TSPEAR: variants seen among roughly 807,000 people sequenced by gnomAD.
TSPEAR encodes thrombospondin-type laminin G domain and EAR repeat-containing protein.
A neutral mutation model predicts 71.6 loss-of-function variants in TSPEAR; 69 were observed. The ratio of observed to expected loss-of-function variants is 0.96; its 90% CI spans 0.79 to 1.18. TSPEAR has a LOEUF of 1.18. TSPEAR is among the 50% of genes most tolerant of loss of function. TSPEAR has a pLI of 0.00. For missense variants in TSPEAR, 971 were observed against 894.9 expected, an observed-to-expected ratio of 1.09 and a Z score of -1.09; for synonymous variants, 402 against 387.2, an observed-to-expected ratio of 1.04 and a Z score of -0.45.
At chr21:44,709,179 CCTTGATCTCCTGT>C (rs1988090663) in intron 1 of TSPEAR, among the ~76,000 whole-genome samples, 1 of 152,100 alleles carries the variant, frequency 6.6e-6, no homozygotes, top group African/African-American at 2.4e-5. Flanking sequence ...GGATCTCCTG[CCTTGATCTCCTGT>C]CCACATGGAG....
chr21:44,533,717 G>A lies in TSPEAR; in HGVS notation c.510C>T (p.Ser170=). Residue 170 remains serine (S), a synonymous_variant, in exon 3 of 12, where the codon TCC becomes TCT. Coordinates refer to ENST00000323084, the MANE Select transcript of TSPEAR (RefSeq NM_144991.3). The part of the protein sequence containing the change: ...LVLAVSAGVF[S]LTTDCGLPVD... ...CCGGGAGGCCGCAGTCCGTGGTGAG[G>A]GAGAAGACGCCTGCGGACACAGCCA... 1 of 1,611,346 alleles carries A rather than the reference G, an allele frequency of 6.2e-7. No homozygotes were observed. Among genetic ancestry groups the A allele is most frequent in the Non-Finnish European group, 8.5e-7 (1 of 1,179,188 alleles).
chr21:44,669,220 C>A (rs11911323), intron 1 of TSPEAR, among the ~76,000 whole-genome samples: 79,781 of 151,946 alleles, frequency 0.53, 21,606 homozygotes, highest in African/African-American at 0.66. Flanking sequence ...GTCAAGAGAT[C>A]GAGACCATCC....
intron 11 of TSPEAR, among the ~76,000 whole-genome samples, chr21:44,502,559 G>A (rs2052053802): frequency 6.6e-6 from 1 of 152,242 alleles, no homozygotes; most frequent in Non-Finnish European, 1.5e-5. Context: ...CAGTGTCTAT[G>A]AGAGAAAAAT....
intron 1 of TSPEAR, among the ~76,000 whole-genome samples, chr21:44,604,439 T>C (rs1178897437): frequency 6.6e-6 from 1 of 152,212 alleles, no homozygotes; most frequent in East Asian, 1.9e-4. Flanking sequence ...TCACCTACCA[T>C]CGAGACACCA....
intron 7 of TSPEAR, 101 bp downstream of exon 7, chr21:44,527,191 G>T: frequency 8.7e-7 from 1 of 1,149,352 alleles, no homozygotes. Flanking sequence ...GACACCGTGA[G>T]AAACTCCTTT....
At chr21:44,689,700 C>A (rs13048450) in intron 1 of TSPEAR, among the ~76,000 whole-genome samples, 2,902 of 53,208 alleles carry the variant, frequency 0.055, 94 homozygotes, top group Non-Finnish European at 0.071. Context: ...CTTAGAGGGA[C>A]AGAATAGAAT....
intron 1 of TSPEAR, among the ~76,000 whole-genome samples, chr21:44,701,640 T>C (rs1987651166): frequency 2.0e-5 from 3 of 152,196 alleles, no homozygotes; most frequent in Admixed American, 6.5e-5. Context: ...ACCCCTGGCA[T>C]GTGCAGTTCA....
chr21:44,654,548 TGGGGACACAGCAC>T lies in TSPEAR; in HGVS notation c.82+56872_82+56884del, dbSNP rs370429587. On this transcript the variant is annotated intron_variant, in intron 1 of 11. Coordinates refer to ENST00000323084, the MANE Select transcript of TSPEAR (RefSeq NM_144991.3). Reference sequence around the variant, plus strand: ...TAGCCCTCGGGTGGGTAGCAGGTGCTGGGGACACAGCACGGGGAGCCAGGGCAGGCCATTGGGC... The same window carrying T: ...TAGCCCTCGGGTGGGTAGCAGGTGCTGGGGAGCCAGGGCAGGCCATTGGGC... The T allele has an allele frequency of 1.3e-4, 205 of 1,611,210 alleles. 1 individual carries two copies. The African/African-American group carries it at 2.4e-3, about 19-fold the overall frequency.
intron 1 of TSPEAR, among the ~76,000 whole-genome samples, chr21:44,696,868 C>T (rs563036695): frequency 2.6e-5 from 4 of 151,674 alleles, no homozygotes; most frequent in African/African-American, 2.4e-5. Context: ...CTACGCTACA[C>T]GGTTCATGGT....
intron 11 of TSPEAR, among the ~76,000 whole-genome samples, chr21:44,500,208 C>G (rs781945684): frequency 1.3e-5 from 2 of 152,244 alleles, no homozygotes; most frequent in Non-Finnish European, 2.9e-5. Context: ...ATCCTAACCC[C>G]GGGGACCCCC....
intron 5 of TSPEAR, 127 bp downstream of exon 5, chr21:44,529,671 C>T (rs1043428136): frequency 1.8e-5 from 19 of 1,084,526 alleles, no homozygotes; most frequent in African/African-American, 1.7e-4. Flanking sequence ...CGCTGCCCCC[C>T]GTAGCAGTGA....
intron 1 of TSPEAR, among the ~76,000 whole-genome samples, chr21:44,636,763 G>A (rs1260624303): frequency 1.3e-5 from 2 of 152,130 alleles, no homozygotes; most frequent in African/African-American, 4.8e-5. Context: ...CCAGGGGATG[G>A]CAGTCCAGAC....
In TSPEAR at chr21:44,521,934, C is replaced by T. The variant is rs150444121; in HGVS notation, c.1515G>A (p.Ser505=). The change falls in exon 9 of 12, where the codon TCG becomes TCA. Residue 505 remains serine (S), a synonymous_variant. Transcript: ENST00000323084. ...TFNGTSTKVH[S]HLYIRLLGSF... is the part of the protein sequence containing the mutation. ...AGCCCAGGAGTCGGATGTAGAGGTG[C>T]GAGTGCACCTTGGTGGAGGTGCCGT... is the stretch of plus-strand genomic sequence containing the variant. 1,879 of 1,614,030 alleles carry T rather than the reference C, an allele frequency of 1.2e-3. 3 individuals carry two copies. Among genetic ancestry groups the T allele is most frequent in the Non-Finnish European group, 1.5e-3 (1,762 of 1,179,986 alleles).
Position 44,522,001 on chromosome 21 carries a change from C to A in TSPEAR, c.1448G>T (p.Ser483Ile), listed in dbSNP as rs782023504. 5 of 1,614,056 alleles carry A rather than the reference C, an allele frequency of 3.1e-6. No homozygotes were observed. The highest frequency in any genetic ancestry group is 4.2e-6 in the Non-Finnish European group (5 of 1,180,026). Residue 483 changes from serine to isoleucine, a missense_variant, in exon 9 of 12, where the codon AGT (serine) becomes ATT (isoleucine). Coordinates refer to ENST00000323084, the MANE Select transcript of TSPEAR (RefSeq NM_144991.3). ...TSGAYDWEFF[S>I]VGPYSFLVVA... ...CACCAGGAACGAGTAGGGCCCCACA[C>A]TGAAGAACTCCCAGTCGTAGGCGCC...
chr21:44,573,300 T>A (rs1750528298), intron 1 of TSPEAR, among the ~76,000 whole-genome samples: 1 of 150,612 alleles, frequency 6.6e-6, no homozygotes, highest in Admixed American at 6.6e-5. Context: ...CCACTCCCCA[T>A]AGCCTGGCAC....
intron 1 of TSPEAR, chr21:44,666,723 C>G: frequency 6.2e-7 from 1 of 1,614,114 alleles, no homozygotes; most frequent in Non-Finnish European, 8.5e-7. Context: ...CACGGGCAGG[C>G]ACACGGCTGG....
At chr21:44,591,549 G>A (rs1569205721) in intron 1 of TSPEAR, 3 of 1,613,750 alleles carry the variant, frequency 1.9e-6, no homozygotes, top group East Asian at 2.2e-5. Context: ...AGGTGGACTT[G>A]CACACAGGGT....
At chr21:44,651,083 G>GCAC (rs58994307) in intron 1 of TSPEAR, among the ~76,000 whole-genome samples, 39,647 of 151,888 alleles carry the variant, frequency 0.26, 6,039 homozygotes, top group African/African-American at 0.43. Context: ...GAAGCTGTTG[G>GCAC]CACCAGCTAG....
chr21:44,645,955 T>C (rs1984311115), intron 1 of TSPEAR, among the ~76,000 whole-genome samples: 1 of 150,974 alleles, frequency 6.6e-6, no homozygotes, highest in Admixed American at 6.6e-5. Context: ...CTGGCCAAGA[T>C]GGTGAAACCC....
Sources: allele counts gnomAD v4.1 joint callset (sites outside exome capture counted in the v4.1 genomes callset), GRCh38; gene constraint gnomAD v4.1.1; transcripts MANE v1.5; gene names NCBI Gene and HGNC (gene_info 2026-07-23, HGNC 2026-07-21).